Variants in MYOZ2 observed in about 807,000 individuals in gnomAD.
MYOZ2 encodes the protein myozenin-2.
A neutral mutation model predicts 25.4 loss-of-function variants in MYOZ2; 19 were observed. The ratio of observed to expected loss-of-function variants is 0.75; its 90% CI spans 0.52 to 1.10. MYOZ2 has a LOEUF of 1.10. Among genes scored for constraint, MYOZ2 ranks in the 50% least tolerant of loss-of-function variants. The pLI is 0.00. For missense variants in MYOZ2, 270 were observed against 317.9 expected (o/e 0.85, Z 1.15); for synonymous variants, 92 against 106.9 (o/e 0.86, Z 0.86).
rs542178745 is a variant in MYOZ2, at chr4:119,137,678, G to A, written c.76+1077G>A. Among the ~76,000 whole-genome samples, 3 of 152,254 alleles carry A rather than the reference G, an allele frequency of 2.0e-5. No homozygotes were observed. In the East Asian group the frequency reaches 5.8e-4, roughly 29 times the overall value. ...TCTGCAATACAGAACCACTGTACTGGATTCAACTTGGTTCTCATGTTTTAC... is the reference window on the plus strand; with the variant it reads ...TCTGCAATACAGAACCACTGTACTGAATTCAACTTGGTTCTCATGTTTTAC... On this transcript the variant is annotated intron_variant, in intron 2 of 5. Coordinates refer to ENST00000307128, the MANE Select transcript of MYOZ2 (RefSeq NM_016599.5).
At chr4:119,153,899 A>G (rs909641921) in intron 3 of MYOZ2, among the ~76,000 whole-genome samples, 2 of 152,102 alleles carry the variant, frequency 1.3e-5, no homozygotes, top group African/African-American at 4.8e-5. Context: ...TTCATAAACT[A>G]TTTTTTAACC....
rs1164185426 is a variant in MYOZ2 at position 119,136,498 on chromosome 4, T to G, written c.-14-14T>G. 4 of 1,606,256 alleles carry G rather than the reference T, an allele frequency of 2.5e-6. No individual in the cohort carries two copies. The South Asian group carries it at 4.4e-5, about 18-fold the overall frequency. On this transcript the variant is annotated splice_polypyrimidine_tract_variant and intron_variant, in intron 1 of 5. Transcript: ENST00000307128. ...CTTCACATTGCCTCAATAATGTCCC[T>G]TTGTTTTTAACAGGGAACAAAAAAA...
chr4:119,151,768 A>C (rs1446046297), intron 3 of MYOZ2, among the ~76,000 whole-genome samples: 3 of 152,188 alleles, frequency 2.0e-5, no homozygotes, highest in African/African-American at 7.2e-5. Flanking sequence ...GGAATAGTGC[A>C]TTCGTCCTAA....
At chr4:119,165,111 C>T (rs879434640) in intron 5 of MYOZ2, among the ~76,000 whole-genome samples, 2 of 148,362 alleles carry the variant, frequency 1.3e-5, no homozygotes, top group East Asian at 2.0e-4. Flanking sequence ...AAGTTAGACT[C>T]AATTTATAGG....
intron 5 of MYOZ2, among the ~76,000 whole-genome samples, chr4:119,166,542 A>C (rs1460770386): frequency 2.0e-5 from 3 of 152,090 alleles, no homozygotes; most frequent in Non-Finnish European, 4.4e-5. Flanking sequence ...ACAGGGATAC[A>C]CAAAGTTTAA....
chr4:119,147,037 G>A (rs1379327772), intron 2 of MYOZ2, among the ~76,000 whole-genome samples: 1 of 152,040 alleles, frequency 6.6e-6, no homozygotes, highest in Non-Finnish European at 1.5e-5. Context: ...ATATTTGGTT[G>A]ATGTTGCTTG....
At chr4:119,141,840 T>A (rs1225374555) in intron 2 of MYOZ2, among the ~76,000 whole-genome samples, 1 of 152,236 alleles carries the variant, frequency 6.6e-6, no homozygotes, top group East Asian at 1.9e-4. Context: ...AGGCAACAGC[T>A]GAACTTAGAA....
intron 5 of MYOZ2, among the ~76,000 whole-genome samples, chr4:119,174,745 G>A (rs1015072398): frequency 2.0e-5 from 3 of 152,084 alleles, no homozygotes; most frequent in South Asian, 2.1e-4. Context: ...GTGGCAACCC[G>A]CTCGGGTCCC....
chr4:119,179,138 A>G (rs2149229249), intron 5 of MYOZ2, among the ~76,000 whole-genome samples: 1 of 152,352 alleles, frequency 6.6e-6, no homozygotes, highest in African/African-American at 2.4e-5. Context: ...CAAACTTGTT[A>G]TCATGGCCTG....
chr4:119,175,154 A>G (rs941198481), intron 5 of MYOZ2, among the ~76,000 whole-genome samples: 3 of 152,076 alleles, frequency 2.0e-5, no homozygotes, highest in Admixed American at 1.3e-4. Flanking sequence ...CCGACACAGT[A>G]GGAGATGGGA....
At chr4:119,139,811 G>A (rs911862222) in intron 2 of MYOZ2, among the ~76,000 whole-genome samples, 1 of 152,148 alleles carries the variant, frequency 6.6e-6, no homozygotes, top group Non-Finnish European at 1.5e-5. Context: ...TCCTAAGTAA[G>A]CTTCAGTCAC....
chr4:119,175,084 T>A (rs1742036129), intron 5 of MYOZ2, among the ~76,000 whole-genome samples: 2 of 151,312 alleles, frequency 1.3e-5, no homozygotes, highest in Admixed American at 1.3e-4. Context: ...GCTGTAACAC[T>A]CACCGAGAGG....
intron 5 of MYOZ2, among the ~76,000 whole-genome samples, chr4:119,182,933 A>C (rs1193374804): frequency 6.6e-6 from 1 of 152,226 alleles, no homozygotes; most frequent in East Asian, 1.9e-4. Context: ...AAACGAAAGT[A>C]ATAGAATCAA....
rs1289640006 is a variant in MYOZ2, at chr4:119,186,118, G to T, written c.713G>T (p.Gly238Val). 1.2e-6 allele frequency: 2 copies of T among 1,613,930 alleles called. No homozygotes were observed. The highest frequency in any genetic ancestry group is 1.7e-6 in the Non-Finnish European group (2 of 1,179,938). ...GRRSFNRTPK[G>V]WISENIPIVI... Reference sequence around the variant, plus strand: ...CGGTCCTTTAATAGGACTCCTAAGGGATGGATATCTGAGAATATTCCTATA... The same window carrying T: ...CGGTCCTTTAATAGGACTCCTAAGGTATGGATATCTGAGAATATTCCTATA... The change falls in exon 6 of 6, where the codon GGA becomes GTA. Residue 238 changes from glycine to valine, a missense_variant. By Grantham distance (109) the Gly-to-Val change is moderately radical (BLOSUM62 -3). Coordinates refer to ENST00000307128, the MANE Select transcript of MYOZ2 (RefSeq NM_016599.5).
At chr4:119,181,284 T>G (rs1742181193) in intron 5 of MYOZ2, among the ~76,000 whole-genome samples, 1 of 152,190 alleles carries the variant, frequency 6.6e-6, no homozygotes, top group African/African-American at 2.4e-5. Flanking sequence ...TCCTCTATAA[T>G]CTCTTCTTCC....
At chr4:119,181,345 T>C (rs552328599) in intron 5 of MYOZ2, among the ~76,000 whole-genome samples, 9 of 152,328 alleles carry the variant, frequency 5.9e-5, no homozygotes, top group Admixed American at 5.2e-4. Flanking sequence ...ATTGTGATCA[T>C]AATGCTCTGT....
chr4:119,164,464 C>G (rs1267315123), intron 5 of MYOZ2, 70 bp downstream of exon 5: 2 of 1,502,212 alleles, frequency 1.3e-6, no homozygotes, highest in African/African-American at 2.8e-5. Flanking sequence ...GTACAGATAA[C>G]TGAATTCCCT....
At chr4:119,151,859 A>G (rs1578730657) in intron 3 of MYOZ2, among the ~76,000 whole-genome samples, 1 of 152,186 alleles carries the variant, frequency 6.6e-6, no homozygotes, top group Non-Finnish European at 1.5e-5. Context: ...AGATTTACTT[A>G]CAGATTTAAG....
intron 2 of MYOZ2, among the ~76,000 whole-genome samples, chr4:119,150,279 G>T (rs771671189): frequency 1.3e-5 from 2 of 152,056 alleles, no homozygotes; most frequent in Non-Finnish European, 2.9e-5. Context: ...GAATGAATGA[G>T]TAATTATGAA....
Sources: gnomAD v4.1 joint callset for allele counts (sites outside exome capture counted in the v4.1 genomes callset) on GRCh38, gnomAD v4.1.1 for gene constraint, MANE v1.5 for transcripts, NCBI Gene and HGNC (gene_info 2026-07-23, HGNC 2026-07-21) for gene names.